Variants in RASSF8 observed in about 807,000 individuals in gnomAD.
RASSF8 encodes the protein Ras association domain family member 8, also known as ras association domain-containing protein 8.
RASSF8 carries 22 observed loss-of-function variants against 48.5 expected under a neutral mutation model. The observed-to-expected ratio is 0.45, with a 90% confidence interval of 0.32 to 0.65. The LOEUF is 0.65. Ranked by LOEUF, RASSF8 falls within the 30% of genes least tolerant of loss-of-function variation. The probability of loss-of-function intolerance (pLI) is 0.03; values close to 1 mark genes in which losing one functional copy is unlikely to be tolerated. For synonymous variants in RASSF8, 127 were observed against 171.5 expected (o/e 0.74, Z 2.03); for missense variants, 418 against 489.2 (o/e 0.85, Z 1.37).
At chr12:25,979,082 G>A (rs149398934) in intron 1 of RASSF8, among the ~76,000 whole-genome samples, 195 of 152,262 alleles carry the variant, frequency 1.3e-3, no homozygotes, top group African/African-American at 4.4e-3. Flanking sequence ...AAGATTAGAA[G>A]CTCAAAAAGA....
At chr12:26,075,019 A>G (rs142991184), downstream of RASSF8, among the ~76,000 whole-genome samples, 226 of 152,348 alleles carry the variant, frequency 1.5e-3, no homozygotes, top group African/African-American at 5.4e-3. Flanking sequence ...AAGAAGGGTC[A>G]AGACTAGAGG....
chr12:26,049,343 C>T (rs977204064), intron 2 of RASSF8, among the ~76,000 whole-genome samples: 3 of 152,194 alleles, frequency 2.0e-5, no homozygotes, highest in African/African-American at 7.2e-5. Context: ...GAAAACATAT[C>T]TCTTAGTTTT....
At chr12:25,961,784 A>G (rs1007410289) in intron 1 of RASSF8, among the ~76,000 whole-genome samples, 2 of 152,106 alleles carry the variant, frequency 1.3e-5, no homozygotes, top group Admixed American at 6.5e-5. Context: ...CAAACTTTCA[A>G]ACTGTTCCCC....
intron 3 of RASSF8, among the ~76,000 whole-genome samples, chr12:26,063,024 G>A (rs1250068362): frequency 6.6e-6 from 1 of 152,128 alleles, no homozygotes; most frequent in Non-Finnish European, 1.5e-5. Flanking sequence ...TGCTCCTCAT[G>A]AATTACATAC....
intron 2 of RASSF8, among the ~76,000 whole-genome samples, chr12:26,004,570 T>G (rs549582701): frequency 1.5e-4 from 23 of 152,314 alleles, no homozygotes; most frequent in African/African-American, 5.1e-4. Flanking sequence ...TTTTGTATGT[T>G]ATATGTATTA....
rs140702875 is a variant in RASSF8, at chr12:26,012,838, G to C, written c.-109+17708G>C. On this transcript the variant is annotated intron_variant, in intron 2 of 5. Transcript: ENST00000689635. ...TGGGACCACAGGCCACCATGCCCAC[G>C]TAATTTTTAAATTTTTTTGTAAAGA... is the stretch of plus-strand genomic sequence containing the variant. 6.2e-3 allele frequency among the ~76,000 whole-genome samples: 935 copies of C among 151,884 alleles called. 10 individuals are homozygous for C. Among genetic ancestry groups the C allele is most frequent in the African/African-American group, 0.021 (885 of 41,428 alleles).
chr12:25,966,375 T>A (rs982603125), intron 1 of RASSF8, among the ~76,000 whole-genome samples: 7 of 152,202 alleles, frequency 4.6e-5, no homozygotes, highest in African/African-American at 1.7e-4. Context: ...GGCTGTTTTT[T>A]AAAATATTTT....
chr12:26,022,307 C>T (rs780374059), intron 2 of RASSF8, among the ~76,000 whole-genome samples: 3 of 152,132 alleles, frequency 2.0e-5, no homozygotes, highest in African/African-American at 4.8e-5. Flanking sequence ...AAAGGCTTCA[C>T]GCTGCAGGAG....
At chr12:25,993,292 C>A (rs1942057961) in intron 1 of RASSF8, among the ~76,000 whole-genome samples, 1 of 152,160 alleles carries the variant, frequency 6.6e-6, no homozygotes, top group Admixed American at 6.5e-5. Context: ...ATCTTTTTGG[C>A]CTTTAAATCT....
intron 3 of RASSF8, among the ~76,000 whole-genome samples, chr12:26,063,970 C>T (rs990353342): frequency 2.0e-5 from 3 of 152,138 alleles, no homozygotes; most frequent in African/African-American, 7.2e-5. Context: ...GGCTGAGTCA[C>T]AGTTCTCCAC....
intron 2 of RASSF8, among the ~76,000 whole-genome samples, chr12:25,998,862 AC>A (rs1231821975): frequency 1.3e-5 from 2 of 152,200 alleles, no homozygotes; most frequent in African/African-American, 4.8e-5. Flanking sequence ...TAATAAAAAA[AC>A]AAAATCAGAA....
exon 6 of RASSF8, chr12:26,079,710 C>T (rs758263271): frequency 2.0e-5 from 3 of 152,086 alleles, no homozygotes; most frequent in Non-Finnish European, 1.5e-5. Flanking sequence ...CAATGAGATA[C>T]CACCTCACAC....
intron 2 of RASSF8, among the ~76,000 whole-genome samples, chr12:26,005,218 T>G (rs183373640): frequency 1.3e-5 from 2 of 152,200 alleles, no homozygotes; most frequent in Admixed American, 1.3e-4. Context: ...TTGTTTTGTT[T>G]TACAGATTGA....
chr12:26,038,700 A>G (rs73079069), intron 2 of RASSF8, among the ~76,000 whole-genome samples: 18,782 of 151,938 alleles, frequency 0.12, 1,539 homozygotes, highest in Admixed American at 0.2. Context: ...TCCAACAGAT[A>G]TAAGTAGTGC....
intron 2 of RASSF8, among the ~76,000 whole-genome samples, chr12:26,041,136 C>G (rs994980353): frequency 1.3e-5 from 2 of 152,092 alleles, no homozygotes; most frequent in African/African-American, 4.8e-5. Context: ...TCATGATCCT[C>G]CCACCTCAGC....
intron 2 of RASSF8, among the ~76,000 whole-genome samples, chr12:26,054,244 C>T: frequency 6.6e-6 from 1 of 151,640 alleles, no homozygotes; most frequent in Non-Finnish European, 1.5e-5. Flanking sequence ...TTTTTTAAAC[C>T]CACAGGAAAA....
At chr12:26,045,187 G>A (rs1943346878) in intron 2 of RASSF8, among the ~76,000 whole-genome samples, 1 of 152,072 alleles carries the variant, frequency 6.6e-6, no homozygotes, top group East Asian at 1.9e-4. Context: ...AACTGAAATA[G>A]CCTTAATTTA....
At chr12:26,048,140 T>G (rs116293196) in intron 2 of RASSF8, among the ~76,000 whole-genome samples, 2,116 of 152,354 alleles carry the variant, frequency 0.014, 38 homozygotes, top group African/African-American at 0.042. Flanking sequence ...GGTTGACTTA[T>G]ATTTAAAAAT....
At chr12:26,026,770 A>G (rs1219134937) in intron 2 of RASSF8, among the ~76,000 whole-genome samples, 2 of 152,230 alleles carry the variant, frequency 1.3e-5, no homozygotes, top group African/African-American at 4.8e-5. Context: ...ATTGTGAAGA[A>G]TAAGAACTCT....
Sources: allele counts gnomAD v4.1 joint callset (sites outside exome capture counted in the v4.1 genomes callset), GRCh38; gene constraint gnomAD v4.1.1; transcripts MANE v1.5; gene names NCBI Gene and HGNC (gene_info 2026-07-23, HGNC 2026-07-21).